Variants in GABRQ observed in about 807,000 individuals in gnomAD.
The protein encoded by GABRQ is gamma-aminobutyric acid type A receptor subunit theta.
A neutral mutation model predicts 30.5 loss-of-function variants in GABRQ; 19 were observed. That is an observed-to-expected ratio of 0.62 (90% confidence interval 0.43 to 0.91). GABRQ has a LOEUF of 0.91. Ranked by LOEUF, GABRQ falls within the 40% of genes least tolerant of loss-of-function variation. The pLI is 0.00. For missense variants in GABRQ, 520 were observed against 521.4 expected, an observed-to-expected ratio of 1.00 and a Z score of 0.03; for synonymous variants, 187 against 210.2, an observed-to-expected ratio of 0.89 and a Z score of 0.95.
intron 2 of GABRQ, among the ~76,000 whole-genome samples, chrX:152,644,203 A>C (rs1006086190): frequency 9.0e-6 from 1 of 111,047 alleles, no homozygotes; most frequent in Non-Finnish European, 1.9e-5. Context: ...ACATACACAA[A>C]CACACTCACA....
rs1481722572 is a variant in GABRQ, at chrX:152,646,955, C to T, written c.314C>T (p.Thr105Met). ...EQISEMNMDY[T>M]ITMFFHQTWK... The stretch of plus-strand genomic sequence containing the variant: ...TTACATTTGTCTTCCCAGGACTACA[C>T]GATCACGATGTTTTTTCATCAGACT... The change falls in exon 4 of 9, where the codon ACG (threonine) becomes ATG (methionine). Residue 105 changes from threonine (T) to methionine (M), a missense_variant. Physicochemically the swap from Thr to Met is moderately conservative, Grantham distance 81. Transcript: ENST00000598523. The T allele has an allele frequency of 2.5e-6, 3 of 1,197,339 alleles. No individual in the cohort carries two copies. Among genetic ancestry groups the T allele is most frequent in the African/African-American group, 1.7e-5 (1 of 57,476 alleles).
downstream of GABRQ, among the ~76,000 whole-genome samples, chrX:152,657,808 TG>T (rs1931177455): frequency 8.9e-6 from 1 of 112,547 alleles, no homozygotes; most frequent in African/African-American, 3.2e-5. Context: ...AACAGGCCAC[TG>T]TGGTGCCAAA....
intron 2 of GABRQ, among the ~76,000 whole-genome samples, chrX:152,643,649 C>T (rs1556818712): frequency 8.9e-6 from 1 of 112,468 alleles, no homozygotes; most frequent in Non-Finnish European, 1.9e-5. Flanking sequence ...GTGCTAACAC[C>T]TGGGTGTGAA....
intron 2 of GABRQ, among the ~76,000 whole-genome samples, chrX:152,643,272 G>T (rs1279307327): frequency 8.9e-6 from 1 of 112,432 alleles, no homozygotes; most frequent in Non-Finnish European, 1.9e-5. Context: ...CTGGATGCTG[G>T]AGTCTGGGCT....
Position 152,652,944 on chromosome X carries a change from A to C in GABRQ, c.1562A>C (p.His521Pro). ...GGCCCCAGTGGGAAGCCCATGCTTC[A>C]CCATGGCGAGAAGGGTGTGCAAGAA... ...GHGPSGKPMLHHGEKGVQEAG... is the reference protein window; with the variant it reads ...GHGPSGKPMLPHGEKGVQEAG... The change falls in exon 9 of 9, where the codon CAC becomes CCC. Residue 521 changes from histidine to proline, a missense_variant. Transcript: ENST00000598523. 1.7e-6 allele frequency: 2 copies of C among 1,211,077 alleles called. No homozygotes were observed. The highest frequency in any genetic ancestry group is 2.2e-6 in the Non-Finnish European group (2 of 894,509).
At chrX:152,652,161 C>G (rs1931038715) in intron 8 of GABRQ, among the ~76,000 whole-genome samples, 1 of 112,874 alleles carries the variant, frequency 8.9e-6, no homozygotes, top group Non-Finnish European at 1.9e-5. Flanking sequence ...CTTGGCACTT[C>G]AGACTCCCAA....
At chrX:152,640,104 A>T (rs781925826) in intron 1 of GABRQ, among the ~76,000 whole-genome samples, 13 of 110,424 alleles carry the variant, frequency 1.2e-4, no homozygotes, top group Non-Finnish European at 2.5e-4. Flanking sequence ...GTCAACCCCT[A>T]CAAGTCCTGC....
intron 3 of GABRQ, 62 bp from the exon 4 acceptor site, chrX:152,646,886 A>G (rs1556819274): frequency 5.3e-6 from 4 of 751,404 alleles, no homozygotes; most frequent in Non-Finnish European, 8.3e-6. Flanking sequence ...CACCCTACAC[A>G]CACCAAGGAT....
intron 1 of GABRQ, among the ~76,000 whole-genome samples, chrX:152,640,086 C>T (rs781892364): frequency 9.0e-6 from 1 of 111,092 alleles, no homozygotes; most frequent in Non-Finnish European, 1.9e-5. Context: ...CTCCTACCGC[C>T]TCCTCTCGTC....
intron 4 of GABRQ, among the ~76,000 whole-genome samples, chrX:152,648,660 C>T (rs950629189): frequency 1.7e-4 from 19 of 111,893 alleles, no homozygotes; most frequent in African/African-American, 5.8e-4. Flanking sequence ...CGCGCCCGGC[C>T]GGATTCTTCT....
intron 1 of GABRQ, among the ~76,000 whole-genome samples, chrX:152,639,734 G>T (rs1276023904): frequency 8.9e-6 from 1 of 111,987 alleles, no homozygotes. Flanking sequence ...TTGGATGAGG[G>T]TCGTAAATCT....
chrX:152,642,211 A>G (rs1930775296), intron 2 of GABRQ, among the ~76,000 whole-genome samples: 1 of 111,808 alleles, frequency 8.9e-6, no homozygotes, highest in East Asian at 2.8e-4. Context: ...GTGTGGGAAG[A>G]GAGACCAGTT....
chrX:152,645,681 C>A, intron 3 of GABRQ, 87 bp downstream of exon 3: 1 of 584,434 alleles, frequency 1.7e-6, no homozygotes. Context: ...GTTGTTCTGA[C>A]CTGTGACAGA....
chrX:152,651,011 G>A (rs986386872), intron 7 of GABRQ, among the ~76,000 whole-genome samples: 5 of 110,758 alleles, frequency 4.5e-5, no homozygotes, highest in Non-Finnish European at 7.6e-5. Context: ...AGCATGGGGA[G>A]CCATGAAAAA....
intron 1 of GABRQ, among the ~76,000 whole-genome samples, chrX:152,639,378 G>GCACACACACACACACA (rs199710373): frequency 3.4e-4 from 35 of 103,364 alleles, no homozygotes; most frequent in African/African-American, 1.3e-3. Flanking sequence ...ATGCGCGTGC[G>GCACACACACACACACA]CACACACACA....
In GABRQ at chrX:152,649,866, G is replaced by A; in HGVS notation, c.735G>A (p.Val245=). ...GAAGGACGATTACTAGCAAGGAGGT[G>A]TATTTCTACACAGGTGGGTCTGACC... ...FLGRTITSKE[V]YFYTGSYIRL... Residue 245 remains valine (V), a synonymous_variant, in exon 6 of 9, where the codon GTG becomes GTA. Coordinates refer to ENST00000598523, the MANE Select transcript of GABRQ (RefSeq NM_018558.4). The A allele has an allele frequency of 8.3e-7, 1 of 1,200,821 alleles. No individual in the cohort carries two copies.
chrX:152,651,880 G>A (rs1296235094), intron 8 of GABRQ, 98 bp downstream of exon 8: 21 of 816,440 alleles, frequency 2.6e-5, no homozygotes, highest in Middle Eastern at 4.5e-4. Context: ...TTTTAAATAC[G>A]CGCACCCACA....
Position 152,649,850 on chromosome X carries a change from T to C in GABRQ, c.719T>C (p.Ile240Thr), listed in dbSNP as rs1556819850. Residue 240 changes from isoleucine (I) to threonine (T), a missense_variant, in exon 6 of 9, where the codon ATT (isoleucine) becomes ACT (threonine). Physicochemically the swap from Ile to Thr is moderately conservative, Grantham distance 89. Transcript: ENST00000598523. Reference sequence around the variant, plus strand: ...CAGTTCACTTTCCTGGGAAGGACGATTACTAGCAAGGAGGTGTATTTCTAC... The same window carrying C: ...CAGTTCACTTTCCTGGGAAGGACGACTACTAGCAAGGAGGTGTATTTCTAC... ...IPQFTFLGRTITSKEVYFYTG... is the reference protein window; with the variant it reads ...IPQFTFLGRTTTSKEVYFYTG... 1.7e-6 allele frequency: 2 copies of C among 1,201,963 alleles called. No individual in the cohort carries two copies. The highest frequency in any genetic ancestry group is 2.3e-6 in the Non-Finnish European group (2 of 887,286).
chrX:152,643,001 T>C lies in GABRQ; in HGVS notation c.239-2526T>C, dbSNP rs781837503. Among the ~76,000 whole-genome samples the C allele has an allele frequency of 7.2e-4, 81 of 112,696 alleles. No individual in the cohort carries two copies. The Middle Eastern group carries it at 0.018, about 26-fold the overall frequency. On this transcript the variant is annotated intron_variant, in intron 2 of 8. Coordinates refer to ENST00000598523, the MANE Select transcript of GABRQ (RefSeq NM_018558.4). ...CCACTTTCCCTTCAACTAGGAGTCC[T>C]TGGACAGGTTTCTGGCCTAGCCCTT...
Sources: gnomAD v4.1 joint callset for allele counts (sites outside exome capture counted in the v4.1 genomes callset) on GRCh38, gnomAD v4.1.1 for gene constraint, MANE v1.5 for transcripts, NCBI Gene and HGNC (gene_info 2026-07-23, HGNC 2026-07-21) for gene names.